PHTF1: variants seen among roughly 807,000 people sequenced by gnomAD.
PHTF1 encodes protein PHTF1.
PHTF1 carries 88 observed loss-of-function variants against 102.4 expected under a neutral mutation model. That is an observed-to-expected ratio of 0.86 (90% CI 0.72 to 1.03). PHTF1 has a LOEUF of 1.03. Ranked by LOEUF, PHTF1 falls within the 50% of genes least tolerant of loss-of-function variation. The pLI is 0.00. For synonymous variants in PHTF1, 289 were observed against 305.2 expected (o/e 0.95, Z 0.55); for missense variants, 814 against 909.5 (o/e 0.89, Z 1.35).
In PHTF1 at chr1:113,713,328, C is replaced by T. The variant is rs1288470034; in HGVS notation, c.734G>A (p.Trp245Ter). ...RRQCRPEIRM[W>*]QTREKAKFSD... is the part of the protein sequence containing the mutation. ...AAATTTTGCTTTCTCTCTTGTTTGC[C>T]ACATTCTAATCTCTGGTCGACATTG... Residue 245 changes from tryptophan (W) to a stop codon, truncating the protein, a stop_gained, in exon 8 of 19, where the codon TGG (tryptophan) becomes TAG (stop). Coordinates refer to ENST00000369604, the MANE Select transcript of PHTF1 (RefSeq NM_001323043.2). LOFTEE classifies it high-confidence loss of function. 1 of 1,613,598 alleles carries T rather than the reference C, an allele frequency of 6.2e-7. No individual in the cohort carries two copies. The highest frequency in any genetic ancestry group is 8.5e-7 in the Non-Finnish European group (1 of 1,179,710).
intron 11 of PHTF1, among the ~76,000 whole-genome samples, chr1:113,708,831 G>A (rs1015908355): frequency 5.3e-5 from 8 of 152,054 alleles, no homozygotes; most frequent in Non-Finnish European, 8.8e-5. Flanking sequence ...TCAAAGGAGG[G>A]GAGTGCTACG....
chr1:113,731,630 A>C (rs1187561496), intron 5 of PHTF1, among the ~76,000 whole-genome samples: 1 of 152,160 alleles, frequency 6.6e-6, no homozygotes, highest in Non-Finnish European at 1.5e-5. Flanking sequence ...GCTGTGGCTC[A>C]CACCTGTAAT....
Position 113,713,274 on chromosome 1 carries a change from C to T in PHTF1, c.783+5G>A. On this transcript the variant is annotated splice_donor_5th_base_variant and intron_variant, in intron 8 of 18. Coordinates refer to ENST00000369604, the MANE Select transcript of PHTF1 (RefSeq NM_001323043.2). ...AACCCCTTGTTAAATCCATCTAAATCTTACCCTACGGCACTTTTCTCCATC... is the reference window on the plus strand; with the variant it reads ...AACCCCTTGTTAAATCCATCTAAATTTTACCCTACGGCACTTTTCTCCATC... 6.2e-7 allele frequency: 1 copy of T among 1,612,720 alleles called. No individual in the cohort carries two copies. The highest frequency in any genetic ancestry group is 8.5e-7 in the Non-Finnish European group (1 of 1,179,068).
intron 17 of PHTF1, chr1:113,699,155 C>T (rs991933070): frequency 7.0e-5 from 13 of 186,114 alleles, no homozygotes; most frequent in South Asian, 3.4e-4. Flanking sequence ...ACAGTACCAA[C>T]GCCCCTGGAG....
chr1:113,709,783 T>C (rs182882862), intron 11 of PHTF1, among the ~76,000 whole-genome samples: 35 of 152,320 alleles, frequency 2.3e-4, no homozygotes, highest in Admixed American at 1.4e-3. Context: ...TCTACATTGG[T>C]TGGAAGGTTG....
Position 113,759,366 on chromosome 1 carries a change from G to C in PHTF1, c.-374C>G, listed in dbSNP as rs1379663010. On this transcript the variant is annotated 5_prime_UTR_variant, in exon 1 of 19. Coordinates refer to ENST00000369604, the MANE Select transcript of PHTF1 (RefSeq NM_001323043.2). Reference sequence around the variant, plus strand: ...GCGACAGCAAAAGGCTTTGTGCCCAGCTGGAAAAGACAGGTGCAAAGGCCC... The same window carrying C: ...GCGACAGCAAAAGGCTTTGTGCCCACCTGGAAAAGACAGGTGCAAAGGCCC... 6.6e-6 allele frequency: 1 copy of C among 152,500 alleles called. No individual in the cohort carries two copies. Among genetic ancestry groups the C allele is most frequent in the African/African-American group, 2.4e-5 (1 of 41,480 alleles). The allele number at this position is 152,500 out of a possible 1,614,324, so 9.4% of individuals were successfully genotyped here. A position where few individuals can be genotyped will look rare whatever the true frequency, so the allele number is the denominator to read the frequency against.
intron 7 of PHTF1, among the ~76,000 whole-genome samples, chr1:113,715,648 CAAAAAAAAAAAAAAAAAAAA>C (rs60517410): frequency 4.0e-5 from 1 of 24,960 alleles, no homozygotes; most frequent in African/African-American, 1.1e-4. Context: ...AACCCTGTCT[CAAAAAAAAAAAAAAAAAAAA>C]AAAAAAAAAA....
At chr1:113,745,429 A>T (rs1657074921) in intron 3 of PHTF1, among the ~76,000 whole-genome samples, 1 of 152,186 alleles carries the variant, frequency 6.6e-6, no homozygotes, top group South Asian at 2.1e-4. Context: ...TAATCTAATC[A>T]GGAGTGGACA....
At chr1:113,751,476 C>T (rs543083825) in intron 3 of PHTF1, among the ~76,000 whole-genome samples, 1 of 152,290 alleles carries the variant, frequency 6.6e-6, no homozygotes, top group African/African-American at 2.4e-5. Flanking sequence ...AACAATCACA[C>T]AATATGTTGT....
chr1:113,733,060 ATTTTTT>A (rs386368123), intron 5 of PHTF1, among the ~76,000 whole-genome samples: 8 of 84,170 alleles, frequency 9.5e-5, no homozygotes, highest in East Asian at 3.2e-4. Flanking sequence ...CGCCTGGCTA[ATTTTTT>A]TTTTTTTTTT....
intron 3 of PHTF1, chr1:113,749,596 G>A (rs747581016): frequency 4.6e-5 from 7 of 152,200 alleles, no homozygotes; most frequent in Non-Finnish European, 8.8e-5. Flanking sequence ...TCTTCTGTCA[G>A]AGGAAGATAA....
chr1:113,706,573 T>G, intron 12 of PHTF1, 21 bp downstream of exon 12: 1 of 1,560,682 alleles, frequency 6.4e-7, no homozygotes, highest in Non-Finnish European at 8.6e-7. Context: ...TTGAAAAATC[T>G]GAAAACATAT....
At chr1:113,738,867 T>C in intron 3 of PHTF1, 68 bp from the exon 4 acceptor site, 1 of 1,163,504 alleles carries the variant, frequency 8.6e-7, no homozygotes, top group Non-Finnish European at 1.2e-6. Flanking sequence ...TTATTTATTT[T>C]TGAGACACAG....
chr1:113,742,766 A>G (rs1225127959), intron 3 of PHTF1, among the ~76,000 whole-genome samples: 1 of 152,214 alleles, frequency 6.6e-6, no homozygotes, highest in Non-Finnish European at 1.5e-5. Flanking sequence ...GCTGTAGTAC[A>G]CTATTGTAGA....
intron 7 of PHTF1, among the ~76,000 whole-genome samples, chr1:113,722,263 C>A (rs888859788): frequency 6.6e-6 from 1 of 151,696 alleles, no homozygotes; most frequent in African/African-American, 2.4e-5. Flanking sequence ...CATGGTGAAA[C>A]CCCATCTCTA....
Position 113,734,309 on chromosome 1 carries a change from A to AG in PHTF1, c.331+3800dup, listed in dbSNP as rs771705230. ...CAAAAACAAAGAAAGAAAAGAGGGGAGCTAGAGAAAAAGCCTCAATCTTCT... is the reference window on the plus strand; with the variant it reads ...CAAAAACAAAGAAAGAAAAGAGGGGAGGCTAGAGAAAAAGCCTCAATCTTCT... On this transcript the variant is annotated intron_variant, in intron 5 of 18. Coordinates refer to ENST00000369604, the MANE Select transcript of PHTF1 (RefSeq NM_001323043.2). 4.3e-4 allele frequency among the ~76,000 whole-genome samples: 65 copies of AG among 152,270 alleles called. 1 individual carries two copies. Among genetic ancestry groups the AG allele is most frequent in the Middle Eastern group, 6.8e-3 (2 of 294 alleles).
intron 5 of PHTF1, among the ~76,000 whole-genome samples, chr1:113,727,363 C>G (rs1185813013): frequency 1.3e-5 from 2 of 152,106 alleles, no homozygotes; most frequent in Non-Finnish European, 2.9e-5. Flanking sequence ...GGAGTTTTGT[C>G]TGATTTGTTC....
chr1:113,719,336 C>T (rs550561893), intron 7 of PHTF1, among the ~76,000 whole-genome samples: 1 of 152,262 alleles, frequency 6.6e-6, no homozygotes, highest in East Asian at 1.9e-4. Context: ...AGTCAGGGCA[C>T]AAATTTTCCA....
At chr1:113,754,371 A>G (rs1658541186) in intron 3 of PHTF1, among the ~76,000 whole-genome samples, 1 of 151,810 alleles carries the variant, frequency 6.6e-6, no homozygotes, top group Non-Finnish European at 1.5e-5. Flanking sequence ...TGTTCATGCC[A>G]CTGCACTCCA....
Sources: gnomAD v4.1 joint callset for allele counts (sites outside exome capture counted in the v4.1 genomes callset) on GRCh38, gnomAD v4.1.1 for gene constraint, MANE v1.5 for transcripts, NCBI Gene and HGNC (gene_info 2026-07-23, HGNC 2026-07-21) for gene names.